Variants in TPGS2 observed in about 807,000 individuals in gnomAD.
The protein encoded by TPGS2 is polyglutamylase subunit 2.
TPGS2 carries 26 observed loss-of-function variants against 31.1 expected under a neutral mutation model. That is an observed-to-expected ratio of 0.84 (90% CI 0.61 to 1.16). TPGS2 has a LOEUF of 1.16. Ranked by LOEUF, TPGS2 falls within the 50% of genes most tolerant of loss-of-function variation. The pLI is 0.00. For missense variants in TPGS2, 351 were observed against 363.8 expected (o/e 0.96, Z 0.29); for synonymous variants, 130 against 136.6 (o/e 0.95, Z 0.34).
intron 4 of TPGS2, among the ~76,000 whole-genome samples, chr18:36,802,401 C>A (rs1036737433): frequency 6.6e-6 from 1 of 152,144 alleles, no homozygotes; most frequent in African/African-American, 2.4e-5. Flanking sequence ...TTTTAAAATT[C>A]TTCCAGAGTA....
intron 4 of TPGS2, among the ~76,000 whole-genome samples, chr18:36,802,956 G>A (rs1345216759): frequency 1.3e-5 from 2 of 151,842 alleles, no homozygotes. Context: ...TTTTTTTAAA[G>A]TTTTATTTTT....
intron 2 of TPGS2, among the ~76,000 whole-genome samples, chr18:36,818,246 C>T (rs2150671815): frequency 6.6e-6 from 1 of 152,292 alleles, no homozygotes; most frequent in South Asian, 2.1e-4. Context: ...GGTCTCCAGA[C>T]AATGCTCCCT....
At chr18:36,816,181 C>T (rs1262580181) in intron 2 of TPGS2, among the ~76,000 whole-genome samples, 1 of 152,198 alleles carries the variant, frequency 6.6e-6, no homozygotes, top group Non-Finnish European at 1.5e-5. Context: ...TTCTCTCATG[C>T]TTACCCCTTA....
chr18:36,826,467 A>G (rs145372760), intron 1 of TPGS2, among the ~76,000 whole-genome samples: 95 of 151,622 alleles, frequency 6.3e-4, no homozygotes, highest in African/African-American at 2.3e-3. Flanking sequence ...TTTTATATAC[A>G]AGATCATGTC....
At position 36,795,171 on chromosome 18, in the gene TPGS2, T is replaced by TATCA. The variant is rs1278812301; in HGVS notation, c.*1630_*1633dup. 1.5e-4 allele frequency: 145 copies of TATCA among 985,292 alleles called. No homozygotes were observed. Among genetic ancestry groups the TATCA allele is most frequent in the Middle Eastern group, 5.2e-4 (1 of 1,936 alleles). The allele number at this position is 985,292 out of a possible 1,614,324, so 61.0% of individuals were successfully genotyped here. ...TCGAAGGCGCTTTCTCATGAATATC[T>TATCA]ATCACTATTGTCAACAATCAAAATA... On this transcript the variant is annotated 3_prime_UTR_variant, in exon 7 of 7. Coordinates refer to ENST00000334295, the MANE Select transcript of TPGS2 (RefSeq NM_015476.4).
chr18:36,790,804 A>C (rs1030388052), downstream of TPGS2, among the ~76,000 whole-genome samples: 1 of 152,170 alleles, frequency 6.6e-6, no homozygotes, highest in African/African-American at 2.4e-5. Flanking sequence ...TCTATCCTGA[A>C]GTATGAAGCA....
chr18:36,822,408 G>C (rs535514818), intron 1 of TPGS2, among the ~76,000 whole-genome samples: 5 of 152,280 alleles, frequency 3.3e-5, no homozygotes, highest in African/African-American at 1.2e-4. Flanking sequence ...CTGTTTCTGA[G>C]TCCTGTGAGT....
chr18:36,805,110 T>A (rs1414314368), intron 4 of TPGS2, among the ~76,000 whole-genome samples: 1 of 152,228 alleles, frequency 6.6e-6, no homozygotes, highest in East Asian at 1.9e-4. Context: ...TCCTCACTTA[T>A]ACCCAGTTGC....
chr18:36,810,288 C>T (rs994372968), intron 2 of TPGS2, among the ~76,000 whole-genome samples: 1 of 152,194 alleles, frequency 6.6e-6, no homozygotes, highest in African/African-American at 2.4e-5. Flanking sequence ...CACATACTTG[C>T]TTCAGTCCTT....
chr18:36,815,381 A>G (rs2045606411), intron 2 of TPGS2, among the ~76,000 whole-genome samples: 1 of 152,190 alleles, frequency 6.6e-6, no homozygotes, highest in African/African-American at 2.4e-5. Context: ...GAATGAAAAA[A>G]TTATACAAAA....
rs912882901 is a variant in TPGS2, at chr18:36,796,504, A to G, written c.*301T>C. ...GTTTCTTTGGGGGACCTCTCTAATC[A>G]ATCAGTGCTAAGGGATTGAGGGTTG... On this transcript the variant is annotated 3_prime_UTR_variant, in exon 7 of 7. Coordinates refer to ENST00000334295, the MANE Select transcript of TPGS2 (RefSeq NM_015476.4). 2.0e-4 allele frequency: 224 copies of G among 1,096,718 alleles called. No homozygotes were observed. The highest frequency in any genetic ancestry group is 2.3e-4 in the Non-Finnish European group (212 of 905,106). The allele number at this position is 1,096,718 out of a possible 1,614,324, so 67.9% of individuals were successfully genotyped here.
chr18:36,792,019 C>A (rs998939931), downstream of TPGS2, among the ~76,000 whole-genome samples: 39 of 144,326 alleles, frequency 2.7e-4, no homozygotes, highest in Admixed American at 1.0e-3. Flanking sequence ...CAGAGTGAGA[C>A]CCTGTCTCAA....
intron 4 of TPGS2, among the ~76,000 whole-genome samples, chr18:36,802,921 C>T (rs1041537181): frequency 3.3e-5 from 5 of 151,992 alleles, no homozygotes; most frequent in South Asian, 4.2e-4. Flanking sequence ...CTACCGCACC[C>T]GGCCCTCTTT....
Position 36,795,586 on chromosome 18 carries a change from T to G in TPGS2, c.*1219A>C, listed in dbSNP as rs1182201755. On this transcript the variant is annotated 3_prime_UTR_variant, in exon 7 of 7. Coordinates refer to ENST00000334295, the MANE Select transcript of TPGS2 (RefSeq NM_015476.4). ...GAGGAAATAAATAGGCATTCCTAAT[T>G]GAAAATCTGAGCAACCTTCTCTGTA... is the stretch of plus-strand genomic sequence containing the variant. 3 of 985,366 alleles carry G rather than the reference T, an allele frequency of 3.0e-6. No homozygotes were observed. Among genetic ancestry groups the G allele is most frequent in the Non-Finnish European group, 3.6e-6 (3 of 829,954 alleles). 61.0% of individuals were successfully genotyped at this position (985,366 alleles called of 1,614,324 possible).
chr18:36,812,343 C>T (rs2045466750), intron 2 of TPGS2, among the ~76,000 whole-genome samples: 1 of 152,082 alleles, frequency 6.6e-6, no homozygotes, highest in Non-Finnish European at 1.5e-5. Context: ...ACTTTCAGCC[C>T]CACCCCCTGA....
At chr18:36,785,793 T>C (rs2044112431) in intron 6 of TPGS2, among the ~76,000 whole-genome samples, 1 of 152,154 alleles carries the variant, frequency 6.6e-6, no homozygotes, top group Non-Finnish European at 1.5e-5. Context: ...GGCTGGATAA[T>C]TAGAAGTGTC....
Position 36,807,944 on chromosome 18 carries a change from C to T in TPGS2, c.166-10G>A, listed in dbSNP as rs373056789. ...TCACACAGTTATTCTTCTAGAATCA[C>T]AAAGCAGCTAAGTGTTAGGTAAGGG... On this transcript the variant is annotated splice_polypyrimidine_tract_variant and intron_variant, in intron 2 of 6. Coordinates refer to ENST00000334295, the MANE Select transcript of TPGS2 (RefSeq NM_015476.4). The T allele has an allele frequency of 5.8e-5, 93 of 1,614,004 alleles. No individual in the cohort carries two copies. In the Middle Eastern group the frequency reaches 5.9e-3, roughly 103 times the overall value.
intron 1 of TPGS2, among the ~76,000 whole-genome samples, chr18:36,828,386 G>A (rs1033025964): frequency 1.3e-5 from 2 of 152,150 alleles, no homozygotes; most frequent in African/African-American, 2.4e-5. Flanking sequence ...ACCGTCAGGT[G>A]CTTGCTGTGT....
At chr18:36,805,291 C>A (rs2045059708) in intron 4 of TPGS2, 83 bp downstream of exon 4, 7 of 1,487,604 alleles carry the variant, frequency 4.7e-6, no homozygotes, top group Non-Finnish European at 6.5e-6. Flanking sequence ...CATTCATGCA[C>A]CAAGATTCAT....
Sources: allele counts gnomAD v4.1 joint callset (sites outside exome capture counted in the v4.1 genomes callset), GRCh38; gene constraint gnomAD v4.1.1; transcripts MANE v1.5; gene names NCBI Gene and HGNC (gene_info 2026-07-23, HGNC 2026-07-21).